ITPRID1: variants seen among roughly 807,000 people sequenced by gnomAD.
ITPRID1 encodes ITPR interacting domain containing 1, also known as protein ITPRID1.
Under a neutral mutation model 95.4 loss-of-function variants are expected in ITPRID1, and 96 were observed. The observed-to-expected ratio is 1.01, with a 90% confidence interval of 0.85 to 1.19. The LOEUF (loss-of-function observed/expected upper bound fraction) is 1.19, where lower values mean the gene tolerates loss of function less well. Among genes scored for constraint, ITPRID1 ranks in the 50% most tolerant of loss-of-function variants. The pLI, the probability that ITPRID1 is intolerant of heterozygous loss-of-function variation, is 0.00. For missense variants in ITPRID1, 1,339 were observed against 1,252.9 expected (o/e 1.07, Z -1.04); for synonymous variants, 510 against 453.6 (o/e 1.12, Z -1.58).
At chr7:31,519,578 A>ATGTCTCTC (rs1783152212) in intron 1 of ITPRID1, among the ~76,000 whole-genome samples, 1 of 37,446 alleles carries the variant, frequency 2.7e-5, no homozygotes, top group South Asian at 1.5e-3. Flanking sequence ...TATTTCTGGT[A>ATGTCTCTC]TCTCTCTCTC....
intron 10 of ITPRID1, among the ~76,000 whole-genome samples, chr7:31,589,796 A>G (rs1785783846): frequency 6.6e-6 from 1 of 152,214 alleles, no homozygotes; most frequent in African/African-American, 2.4e-5. Flanking sequence ...AAACATTGCT[A>G]AAGGAAGTTC....
chr7:31,652,683 G>A lies in ITPRID1; in HGVS notation c.2989G>A (p.Gly997Ser). ...PDDGQEAPCS[G>S]GTQLAAFTPP... is the part of the protein sequence containing the mutation. ...TGATGGCCAGGAGGCTCCCTGTTCA[G>A]GTGGGACCCAGTTGGCTGCCTTCAC... is the stretch of plus-strand genomic sequence containing the variant. Residue 997 changes from glycine to serine, a missense_variant, in exon 15 of 15, where the codon GGT becomes AGT. Transcript: ENST00000615280. The A allele has an allele frequency of 6.2e-7, 1 of 1,613,922 alleles. No individual in the cohort carries two copies. The highest frequency in any genetic ancestry group is 8.5e-7 in the Non-Finnish European group (1 of 1,179,870).
At chr7:31,585,145 G>A (rs1052326813) in intron 10 of ITPRID1, among the ~76,000 whole-genome samples, 3 of 152,174 alleles carry the variant, frequency 2.0e-5, no homozygotes, top group Admixed American at 1.3e-4. Context: ...AACTACATGA[G>A]AGAATCCAAG....
At chr7:31,638,985 C>T (rs963667521) in intron 10 of ITPRID1, among the ~76,000 whole-genome samples, 1 of 152,126 alleles carries the variant, frequency 6.6e-6, no homozygotes, top group African/African-American at 2.4e-5. Flanking sequence ...CCATGTTGGC[C>T]AGGCTGGTCT....
rs59277052 is a variant in ITPRID1 at position 31,611,455 on chromosome 7, G to A, written c.1228+28264G>A. 4.7e-3 allele frequency among the ~76,000 whole-genome samples: 718 copies of A among 151,796 alleles called. 6 individuals carry two copies. The highest frequency in any genetic ancestry group is 0.017 in the African/African-American group (688 of 41,492). ...TTATTTCTTCATTTGAATCTGAGTT[G>A]TTGTCTAGTGTTTTTTCACTCCCAC... On this transcript the variant is annotated intron_variant, in intron 10 of 14. Transcript: ENST00000615280.
intron 6 of ITPRID1, among the ~76,000 whole-genome samples, chr7:31,570,293 C>T (rs567098224): frequency 2.0e-5 from 3 of 152,244 alleles, no homozygotes; most frequent in Middle Eastern, 3.4e-3. Flanking sequence ...TGTGGGGGAC[C>T]TTCATAGAAA....
intron 5 of ITPRID1, among the ~76,000 whole-genome samples, chr7:31,565,893 G>A (rs1304031400): frequency 9.2e-5 from 14 of 152,142 alleles, no homozygotes; most frequent in Non-Finnish European, 1.5e-5. Context: ...TACTGTGAAA[G>A]GCAAGAAAGC....
At chr7:31,544,856 T>C (rs187634864) in intron 1 of ITPRID1, among the ~76,000 whole-genome samples, 81 of 152,254 alleles carry the variant, frequency 5.3e-4, no homozygotes, top group African/African-American at 1.6e-3. Flanking sequence ...AAAAAGTAAG[T>C]CATAATTCCC....
chr7:31,624,307 T>G (rs1788225157), intron 10 of ITPRID1, among the ~76,000 whole-genome samples: 2 of 142,996 alleles, frequency 1.4e-5, no homozygotes, highest in Non-Finnish European at 3.0e-5. Flanking sequence ...AGAGCCCGCA[T>G]CACCAAGGCA....
At chr7:31,521,675 CT>C (rs1562544863) in intron 1 of ITPRID1, among the ~76,000 whole-genome samples, 4 of 114,120 alleles carry the variant, frequency 3.5e-5, no homozygotes, top group African/African-American at 7.0e-5. Context: ...TCCTTCCTTC[CT>C]TCCTTCCTTC....
intron 10 of ITPRID1, among the ~76,000 whole-genome samples, chr7:31,636,352 C>T (rs1045499387): frequency 6.6e-6 from 1 of 152,178 alleles, no homozygotes; most frequent in Non-Finnish European, 1.5e-5. Context: ...TTCATCCATT[C>T]ATTGTAAGAG....
At chr7:31,526,799 T>A (rs971314068) in intron 1 of ITPRID1, among the ~76,000 whole-genome samples, 1 of 152,132 alleles carries the variant, frequency 6.6e-6, no homozygotes, top group African/African-American at 2.4e-5. Flanking sequence ...CTTGGGGCCA[T>A]GATTACAGTC....
intron 10 of ITPRID1, among the ~76,000 whole-genome samples, chr7:31,640,163 A>G (rs1162554862): frequency 1.3e-5 from 2 of 151,956 alleles, no homozygotes; most frequent in African/African-American, 4.8e-5. Context: ...ATTATTTCTT[A>G]CTCCTGAAGC....
chr7:31,615,290 T>C (rs1273332159), intron 10 of ITPRID1, among the ~76,000 whole-genome samples: 2 of 152,178 alleles, frequency 1.3e-5, no homozygotes, highest in Admixed American at 6.5e-5. Context: ...GATCAGGTCA[T>C]AAGTATTACT....
At chr7:31,561,906 A>G (rs551268682) in intron 5 of ITPRID1, among the ~76,000 whole-genome samples, 1 of 152,282 alleles carries the variant, frequency 6.6e-6, no homozygotes, top group East Asian at 1.9e-4. Flanking sequence ...CTGTAACCAC[A>G]AACACAAGAT....
At position 31,551,832 on chromosome 7, in the gene ITPRID1, T is replaced by A; in HGVS notation, c.-23-1170T>A. On this transcript the variant is annotated intron_variant, in intron 2 of 14. Transcript: ENST00000615280. Reference sequence around the variant, plus strand: ...GCATTAAGTTTAGGGATCCTAGAAATGCTACTGAAGTAAGTGTTTGGCTAC... The same window carrying A: ...GCATTAAGTTTAGGGATCCTAGAAAAGCTACTGAAGTAAGTGTTTGGCTAC... The A allele has an allele frequency of 1.6e-5, 6 of 374,952 alleles. 2 individuals are homozygous for A. Among genetic ancestry groups the A allele is most frequent in the Non-Finnish European group, 2.7e-5 (5 of 184,836 alleles). 23.2% of individuals were successfully genotyped at this position (374,952 alleles called of 1,614,324 possible).
In ITPRID1 at chr7:31,652,723, A is replaced by G. The variant is rs745446431; in HGVS notation, c.3029A>G (p.Glu1010Gly). The change falls in exon 15 of 15, where the codon GAG (glutamate) becomes GGG (glycine). Residue 1010 changes from glutamate to glycine, a missense_variant. Coordinates refer to ENST00000615280, the MANE Select transcript of ITPRID1 (RefSeq NM_001257967.3). Reference sequence around the variant, plus strand: ...GCTGCCTTCACTCCACCCACCTTGGAGAACAGCACCAGGATGTCTCCTTCA... The same window carrying G: ...GCTGCCTTCACTCCACCCACCTTGGGGAACAGCACCAGGATGTCTCCTTCA... ...QLAAFTPPTLENSTRMSPSSS... is the reference protein window; with the variant it reads ...QLAAFTPPTLGNSTRMSPSSS... 1.9e-6 allele frequency: 3 copies of G among 1,613,930 alleles called. No individual in the cohort carries two copies. The South Asian group carries it at 3.3e-5, about 18-fold the overall frequency.
intron 2 of ITPRID1, among the ~76,000 whole-genome samples, 168 bp from the exon 3 acceptor site, chr7:31,552,834 C>T (rs893119476): frequency 6.6e-6 from 1 of 152,116 alleles, no homozygotes; most frequent in Non-Finnish European, 1.5e-5. Flanking sequence ...TTTCACCAAA[C>T]TGAGACAGGG....
At chr7:31,558,131 C>T (rs1375423170) in intron 5 of ITPRID1, among the ~76,000 whole-genome samples, 1 of 145,334 alleles carries the variant, frequency 6.9e-6, no homozygotes, top group African/African-American at 2.4e-5. Flanking sequence ...CATTTTCTCT[C>T]TCTCTTGTGT....
Sources: gnomAD v4.1 joint callset for allele counts (sites outside exome capture counted in the v4.1 genomes callset) on GRCh38, gnomAD v4.1.1 for gene constraint, MANE v1.5 for transcripts, NCBI Gene and HGNC (gene_info 2026-07-23, HGNC 2026-07-21) for gene names.